PCDHA8: variants seen among roughly 807,000 people sequenced by gnomAD.
PCDHA8 encodes the protein protocadherin alpha-8.
Under a neutral mutation model 61.8 loss-of-function variants are expected in PCDHA8, and 53 were observed. That is an observed-to-expected ratio of 0.86 (90% CI 0.69 to 1.08). The LOEUF (loss-of-function observed/expected upper bound fraction) is 1.08. Ranked by LOEUF, PCDHA8 falls within the 50% of genes least tolerant of loss-of-function variation. The pLI is 0.00. For synonymous variants in PCDHA8, 618 were observed against 556.6 expected (o/e 1.11, Z -1.55); for missense variants, 1,293 against 1,245.0 (o/e 1.04, Z -0.58).
At chr5:140,922,866 G>GA (rs557650266) in intron 1 of PCDHA8, among the ~76,000 whole-genome samples, 1 of 152,096 alleles carries the variant, frequency 6.6e-6, no homozygotes. Flanking sequence ...TAGACAAGGG[G>GA]AAAAAATCCA....
At chr5:140,963,530 A>T (rs1031416091) in intron 1 of PCDHA8, among the ~76,000 whole-genome samples, 29 of 152,216 alleles carry the variant, frequency 1.9e-4, no homozygotes, top group African/African-American at 6.8e-4. Context: ...CAGAAGTCCC[A>T]TTTACTTCAT....
chr5:140,986,371 G>A (rs1453761888), intron 3 of PCDHA8, among the ~76,000 whole-genome samples: 1 of 152,116 alleles, frequency 6.6e-6, no homozygotes, highest in African/African-American at 2.4e-5. Context: ...AATGCGTTTT[G>A]GGGGGAGGGA....
intron 1 of PCDHA8, chr5:140,870,953 C>A: frequency 1.2e-6 from 2 of 1,613,668 alleles, no homozygotes; most frequent in Non-Finnish European, 1.7e-6. Flanking sequence ...GCGGGCGGCT[C>A]GCGCATCCCG....
chr5:140,968,257 T>C (rs781932747), intron 1 of PCDHA8: 2 of 1,613,946 alleles, frequency 1.2e-6, no homozygotes, highest in East Asian at 2.2e-5. Context: ...CAGACCCAGA[T>C]GAAAAGGAGA....
chr5:140,978,978 C>T lies in PCDHA8; in HGVS notation c.2424C>T (p.Tyr808=). Residue 808 remains tyrosine (Y), a synonymous_variant, in exon 2 of 4, where the codon TAC becomes TAT. Coordinates refer to ENST00000531613, the MANE Select transcript of PCDHA8 (RefSeq NM_018911.3). ...KPRQPNPDWR[Y]SASLRAGMHS... ...GACAGCCCAACCCTGACTGGCGTTA[C>T]TCTGCCTCCCTGAGAGCAGGCATGC... 1 of 1,614,204 alleles carries T rather than the reference C, an allele frequency of 6.2e-7. No homozygotes were observed. The highest frequency in any genetic ancestry group is 8.5e-7 in the Non-Finnish European group (1 of 1,180,030).
In PCDHA8 at chr5:140,841,533, A is replaced by T. The variant is rs2150317593; in HGVS notation, c.212A>T (p.His71Leu). ...CTGTTCCGGGTGGCGTCCAAAAGACACCGGGACCTTCTGGAGGTAAGTCTG... is the reference window on the plus strand; with the variant it reads ...CTGTTCCGGGTGGCGTCCAAAAGACTCCGGGACCTTCTGGAGGTAAGTCTG... ...PRLFRVASKR[H>L]RDLLEVSLQN... The change falls in exon 1 of 4, where the codon CAC becomes CTC. Residue 71 changes from histidine (H) to leucine (L), a missense_variant. Coordinates refer to ENST00000531613, the MANE Select transcript of PCDHA8 (RefSeq NM_018911.3). 1.2e-5 allele frequency: 20 copies of T among 1,613,658 alleles called. No homozygotes were observed. Among genetic ancestry groups the T allele is most frequent in the Non-Finnish European group, 1.7e-5 (20 of 1,179,982 alleles).
chr5:140,899,513 C>T (rs4552682), intron 1 of PCDHA8, among the ~76,000 whole-genome samples: 7,065 of 152,042 alleles, frequency 0.046, 286 homozygotes, highest in African/African-American at 0.11. Flanking sequence ...GCATATATTG[C>T]ATCCCAGGGA....
Position 140,857,793 on chromosome 5 carries a change from G to A in PCDHA8, c.2394+14078G>A, listed in dbSNP as rs782663646. The A allele has an allele frequency of 5.0e-6, 8 of 1,597,706 alleles. No individual in the cohort carries two copies. The Middle Eastern group carries it at 6.9e-4, about 137-fold the overall frequency. ...GGTGCAGTCAGTGAGCTGGTGCTGC[G>A]GTCGGTGGTTGCGGGTCACGTGGTG... is the stretch of plus-strand genomic sequence containing the variant. On this transcript the variant is annotated intron_variant, in intron 1 of 3. Coordinates refer to ENST00000531613, the MANE Select transcript of PCDHA8 (RefSeq NM_018911.3).
At chr5:140,935,721 A>G (rs2090523952) in intron 1 of PCDHA8, among the ~76,000 whole-genome samples, 1 of 152,196 alleles carries the variant, frequency 6.6e-6, no homozygotes, top group African/African-American at 2.4e-5. Context: ...ATATATTTAG[A>G]GAAGTCTAGT....
chr5:140,939,903 CT>C (rs1485545948), intron 1 of PCDHA8, among the ~76,000 whole-genome samples: 1 of 152,046 alleles, frequency 6.6e-6, no homozygotes, highest in Non-Finnish European at 1.5e-5. Context: ...ATTCTGCATT[CT>C]TTTTTATTCT....
chr5:140,934,305 A>T, intron 1 of PCDHA8, among the ~76,000 whole-genome samples: 1 of 152,150 alleles, frequency 6.6e-6, no homozygotes, highest in African/African-American at 2.4e-5. Flanking sequence ...TATTTTTCTT[A>T]CTGCAAATGT....
chr5:140,917,837 T>G (rs2078388052), intron 1 of PCDHA8, among the ~76,000 whole-genome samples: 1 of 152,174 alleles, frequency 6.6e-6, no homozygotes, highest in Non-Finnish European at 1.5e-5. Context: ...GATGTCCTTC[T>G]TGTTCTTTTT....
intron 1 of PCDHA8, chr5:140,863,011 C>A (rs782711409): frequency 1.8e-6 from 1 of 552,250 alleles, no homozygotes. Flanking sequence ...CCAGCTATGA[C>A]GCCTGGTTGT....
chr5:140,857,611 G>A (rs987659739), intron 1 of PCDHA8: 1 of 1,596,436 alleles, frequency 6.3e-7, no homozygotes, highest in Admixed American at 1.7e-5. Flanking sequence ...CGCTGCAGCC[G>A]CTGGACCACG....
intron 1 of PCDHA8, chr5:140,875,768 G>A (rs997656321): frequency 6.2e-7 from 1 of 1,614,262 alleles, no homozygotes; most frequent in Non-Finnish European, 8.5e-7. Context: ...TGCGGGCGGA[G>A]CGCGGAGTGC....
At chr5:140,919,489 T>C (rs1554199092) in intron 1 of PCDHA8, among the ~76,000 whole-genome samples, 2 of 152,222 alleles carry the variant, frequency 1.3e-5, no homozygotes, top group African/African-American at 4.8e-5. Context: ...TTATGTTTGT[T>C]ATTTTACTCC....
intron 1 of PCDHA8, among the ~76,000 whole-genome samples, chr5:140,879,278 T>C (rs2057927174): frequency 6.6e-6 from 1 of 152,180 alleles, no homozygotes; most frequent in Non-Finnish European, 1.5e-5. Flanking sequence ...ACAGACTCAA[T>C]ACAAATGATA....
At chr5:140,893,657 A>T (rs1046030357) in intron 1 of PCDHA8, among the ~76,000 whole-genome samples, 19 of 152,126 alleles carry the variant, frequency 1.2e-4, no homozygotes, top group Non-Finnish European at 2.2e-4. Context: ...TGATAGTTTT[A>T]AAAAATTTCA....
At chr5:140,984,968 C>T (rs1380988893) in intron 3 of PCDHA8, among the ~76,000 whole-genome samples, 1 of 151,950 alleles carries the variant, frequency 6.6e-6, no homozygotes, top group South Asian at 2.1e-4. Flanking sequence ...GACAGAGTCT[C>T]GCTCTGTCCC....
Sources: gnomAD v4.1 joint callset for allele counts (sites outside exome capture counted in the v4.1 genomes callset) on GRCh38, gnomAD v4.1.1 for gene constraint, MANE v1.5 for transcripts, NCBI Gene and HGNC (gene_info 2026-07-23, HGNC 2026-07-21) for gene names.